FILIP1L: variants seen among roughly 807,000 people sequenced by gnomAD.
FILIP1L encodes the protein filamin A interacting protein 1 like, also known as filamin A-interacting protein 1-like.
FILIP1L carries 55 observed loss-of-function variants against 96.6 expected under a neutral mutation model. The ratio of observed to expected loss-of-function variants is 0.57; its 90% CI spans 0.46 to 0.71. The LOEUF (loss-of-function observed/expected upper bound fraction) is 0.71. FILIP1L is among the 30% of genes least tolerant of loss of function. The probability of loss-of-function intolerance (pLI) is 0.00; values close to 1 mark genes in which losing one functional copy is unlikely to be tolerated. For missense variants in FILIP1L, 1,304 were observed against 1,321.2 expected (o/e 0.99, Z 0.20); for synonymous variants, 467 against 473.9 (o/e 0.99, Z 0.19).
rs1189503923 is a variant in FILIP1L, at chr3:99,850,319, T to G, written c.1357A>C (p.Met453Leu). The part of the protein sequence containing the change: ...SLKCNLEKER[M>L]TTKQLSQELE... ...TCTTGAGACAACTGCTTTGTGGTCATCCTTTCTTTTTCTAAATTGCATTTC... is the reference window on the plus strand; with the variant it reads ...TCTTGAGACAACTGCTTTGTGGTCAGCCTTTCTTTTTCTAAATTGCATTTC... Residue 453 changes from methionine (M) to leucine (L), a missense_variant, in exon 5 of 6, where the codon ATG (methionine) becomes CTG (leucine). Physicochemically the swap from Met to Leu is conservative, Grantham distance 15. Coordinates refer to ENST00000477258, the MANE Select transcript of FILIP1L (RefSeq NM_001387850.1). 6.2e-7 allele frequency: 1 copy of G among 1,613,262 alleles called. No individual in the cohort carries two copies. The highest frequency in any genetic ancestry group is 1.3e-5 in the African/African-American group (1 of 74,816).
chr3:100,010,365 A>G (rs1451317849), intron 1 of FILIP1L, among the ~76,000 whole-genome samples: 1 of 152,108 alleles, frequency 6.6e-6, no homozygotes, highest in Non-Finnish European at 1.5e-5. Context: ...GTATATTTAC[A>G]TGTCAAAAAA....
intron 1 of FILIP1L, among the ~76,000 whole-genome samples, chr3:99,971,727 A>G (rs1462934215): frequency 6.6e-6 from 1 of 152,222 alleles, no homozygotes; most frequent in East Asian, 1.9e-4. Flanking sequence ...GGTAGGGTCT[A>G]GGATACACAC....
At chr3:99,874,648 G>C (rs793500) in intron 4 of FILIP1L, among the ~76,000 whole-genome samples, 151,697 of 152,352 alleles carry the variant, frequency 1, 75,522 homozygotes, top group Middle Eastern at 1. Flanking sequence ...CAAAAAAACT[G>C]CTATGAGGCA....
At chr3:100,101,296 G>T (rs1404485750) in intron 1 of FILIP1L, among the ~76,000 whole-genome samples, 1 of 152,198 alleles carries the variant, frequency 6.6e-6, no homozygotes, top group Non-Finnish European at 1.5e-5. Context: ...CTGCCTATGA[G>T]GAGAGGGAGT....
Position 100,034,588 on chromosome 3 carries a change from TTAA to T in FILIP1L, c.-11+79462_-11+79464del, listed in dbSNP as rs534751467. ...ATCTGAATTGGCTGCTTTTGGTCAT[TTAA>T]ACATGCTTCCTTATCAGTAAAACTA... On this transcript the variant is annotated intron_variant, in intron 1 of 5. Transcript: ENST00000477258. Among the ~76,000 whole-genome samples, 334 of 152,350 alleles carry T rather than the reference TTAA, an allele frequency of 2.2e-3. 1 individual carries two copies. Among genetic ancestry groups the T allele is most frequent in the African/African-American group, 7.6e-3 (316 of 41,584 alleles).
rs927361025 is a variant in FILIP1L, at chr3:99,828,989, C to T, written c.*1425G>A. Among the ~76,000 whole-genome samples, 5 of 152,038 alleles carry T rather than the reference C, an allele frequency of 3.3e-5. No homozygotes were observed. Among genetic ancestry groups the T allele is most frequent in the African/African-American group, 1.2e-4 (5 of 41,380 alleles). On this transcript the variant is annotated 3_prime_UTR_variant, in exon 6 of 6. Transcript: ENST00000477258. The stretch of plus-strand genomic sequence containing the variant: ...ATCCCTTTCAATGCTGCCCAGGCCT[C>T]TAGCTCCTTCTCCTCCTTGAAATTG...
At chr3:100,057,256 G>C (rs1048342728) in intron 1 of FILIP1L, among the ~76,000 whole-genome samples, 1 of 152,178 alleles carries the variant, frequency 6.6e-6, no homozygotes, top group Non-Finnish European at 1.5e-5. Flanking sequence ...TATTCTCCAA[G>C]AGTCTAATCT....
At chr3:99,895,201 T>C (rs1706209195) in intron 4 of FILIP1L, among the ~76,000 whole-genome samples, 1 of 152,156 alleles carries the variant, frequency 6.6e-6, no homozygotes, top group South Asian at 2.1e-4. Context: ...AACTTAACTA[T>C]ATTTTATTCT....
intron 1 of FILIP1L, among the ~76,000 whole-genome samples, chr3:99,989,756 G>A (rs1402868976): frequency 1.3e-5 from 2 of 150,040 alleles, no homozygotes; most frequent in Non-Finnish European, 2.9e-5. Flanking sequence ...ATGCTAATAT[G>A]TTATCAACAT....
intron 1 of FILIP1L, among the ~76,000 whole-genome samples, chr3:100,015,441 G>A (rs150477245): frequency 9.9e-5 from 15 of 152,224 alleles, no homozygotes; most frequent in African/African-American, 3.6e-4. Flanking sequence ...ATTTTGATAG[G>A]TATTGCATTG....
At chr3:100,052,478 T>C (rs2065390955) in intron 1 of FILIP1L, among the ~76,000 whole-genome samples, 1 of 152,178 alleles carries the variant, frequency 6.6e-6, no homozygotes, top group African/African-American at 2.4e-5. Context: ...AGGATGGGTC[T>C]TATGGCACCA....
intron 1 of FILIP1L, among the ~76,000 whole-genome samples, chr3:99,931,386 AT>A (rs1465558351): frequency 6.6e-6 from 1 of 152,208 alleles, no homozygotes; most frequent in African/African-American, 2.4e-5. Context: ...ACTTAACATA[AT>A]TATAATATTG....
chr3:100,067,253 A>G (rs2065682588), intron 1 of FILIP1L, among the ~76,000 whole-genome samples: 1 of 152,026 alleles, frequency 6.6e-6, no homozygotes, highest in East Asian at 1.9e-4. Flanking sequence ...TCCCTACTCA[A>G]ACTGAATTAC....
At chr3:99,938,832 CA>C (rs556271598) in intron 1 of FILIP1L, among the ~76,000 whole-genome samples, 29 of 143,332 alleles carry the variant, frequency 2.0e-4, no homozygotes, top group Admixed American at 2.8e-4. Flanking sequence ...TGTGGTCTTT[CA>C]AAAAAAAAAA....
In FILIP1L at chr3:99,906,772, T is replaced by C. The variant is rs184817646; in HGVS notation, c.605+17458A>G. Among the ~76,000 whole-genome samples, 217 of 152,278 alleles carry C rather than the reference T, an allele frequency of 1.4e-3. 2 individuals carry two copies. The highest frequency in any genetic ancestry group is 4.6e-3 in the Admixed American group (70 of 15,308). ...TGAGAAGTGGCTATGTGAGTTTGGA[T>C]TGGATCATTGAACTATAAGTAGAAG... On this transcript the variant is annotated intron_variant, in intron 4 of 5. Coordinates refer to ENST00000477258, the MANE Select transcript of FILIP1L (RefSeq NM_001387850.1).
At chr3:99,880,966 G>A (rs1303651789) in intron 4 of FILIP1L, among the ~76,000 whole-genome samples, 3 of 152,044 alleles carry the variant, frequency 2.0e-5, no homozygotes, top group African/African-American at 4.8e-5. Flanking sequence ...GTAGACATTG[G>A]GCTATTTAAA....
At chr3:99,830,767 G>T (rs941353852) in intron 5 of FILIP1L, among the ~76,000 whole-genome samples, 162 bp from the exon 6 acceptor site, 3 of 152,190 alleles carry the variant, frequency 2.0e-5, no homozygotes, top group African/African-American at 7.2e-5. Context: ...AAGAATGTCA[G>T]TAAAGTAATC....
chr3:99,877,681 C>T (rs950101549), intron 4 of FILIP1L, among the ~76,000 whole-genome samples: 2 of 152,190 alleles, frequency 1.3e-5, no homozygotes, highest in Admixed American at 6.5e-5. Flanking sequence ...CTGCCCTATA[C>T]TTGTGAATTG....
At chr3:100,037,939 CT>C (rs150366639) in intron 1 of FILIP1L, among the ~76,000 whole-genome samples, 57 of 118,174 alleles carry the variant, frequency 4.8e-4, no homozygotes, top group African/African-American at 1.5e-3. Context: ...AATCGCTTTT[CT>C]TTTTTTTTTT....
Sources: gnomAD v4.1 joint callset for allele counts (sites outside exome capture counted in the v4.1 genomes callset) on GRCh38, gnomAD v4.1.1 for gene constraint, MANE v1.5 for transcripts, NCBI Gene and HGNC (gene_info 2026-07-23, HGNC 2026-07-21) for gene names.